Variants in COL28A1 observed in about 807,000 individuals in gnomAD.
The protein encoded by COL28A1 is collagen type XXVIII alpha 1 chain.
Under a neutral mutation model 150.2 loss-of-function variants are expected in COL28A1, and 161 were observed. That is an observed-to-expected ratio of 1.07 (90% CI 0.94 to 1.22). The LOEUF (loss-of-function observed/expected upper bound fraction) is 1.22. Among genes scored for constraint, COL28A1 ranks in the 50% most tolerant of loss-of-function variants. The pLI is 0.00. For synonymous variants in COL28A1, 552 were observed against 469.7 expected, an observed-to-expected ratio of 1.18 and a Z score of -2.26; for missense variants, 1,617 against 1,388.3, an observed-to-expected ratio of 1.16 and a Z score of -2.62.
chr7:7,447,923 C>T (rs980603896), intron 18 of COL28A1, among the ~76,000 whole-genome samples: 3 of 152,036 alleles, frequency 2.0e-5, no homozygotes, highest in Admixed American at 1.3e-4. Context: ...CAAAAATTAG[C>T]CAGGAGTGGT....
chr7:7,430,775 A>G (rs1784917586), intron 25 of COL28A1, among the ~76,000 whole-genome samples: 1 of 152,104 alleles, frequency 6.6e-6, no homozygotes, highest in Non-Finnish European at 1.5e-5. Context: ...TAGGATTTTG[A>G]CAGGTGCTAT....
intron 15 of COL28A1, among the ~76,000 whole-genome samples, chr7:7,461,565 C>A (rs1787624202): frequency 6.6e-6 from 1 of 152,132 alleles, no homozygotes; most frequent in Admixed American, 6.5e-5. Flanking sequence ...GGAGTCAGAC[C>A]AGCCCTTCAG....
At chr7:7,410,744 C>A (rs991423433) in intron 27 of COL28A1, among the ~76,000 whole-genome samples, 4 of 151,600 alleles carry the variant, frequency 2.6e-5, no homozygotes, top group Non-Finnish European at 5.9e-5. Context: ...ATGTGTGTTG[C>A]TCTCTTCATA....
chr7:7,423,949 A>T (rs890076951), intron 25 of COL28A1, among the ~76,000 whole-genome samples: 3 of 152,148 alleles, frequency 2.0e-5, no homozygotes, highest in Non-Finnish European at 4.4e-5. Flanking sequence ...TCAGCCAATG[A>T]ATTTAAGATG....
At chr7:7,379,200 A>C (rs1285132477) in intron 30 of COL28A1, among the ~76,000 whole-genome samples, 2 of 152,220 alleles carry the variant, frequency 1.3e-5, no homozygotes, top group African/African-American at 4.8e-5. Flanking sequence ...ACCCTGCAGT[A>C]CTAGGTAAGG....
In COL28A1 at chr7:7,381,543, C is replaced by G. The variant is rs749893839; in HGVS notation, c.2205+1G>C. On this transcript the variant is annotated splice_donor_variant, in intron 28 of 34. Coordinates refer to ENST00000399429, the MANE Select transcript of COL28A1 (RefSeq NM_001037763.3). LOFTEE classifies it high-confidence loss of function. ...TTTCTCTAAGATCCTGAGACACTTA[C>G]CTTCTGGCCTGGGAGGCCATGGCCC... 6.2e-7 allele frequency: 1 copy of G among 1,612,292 alleles called. No individual in the cohort carries two copies.
upstream of COL28A1, among the ~76,000 whole-genome samples, chr7:7,540,540 G>T (rs1305482688): frequency 6.6e-6 from 1 of 152,230 alleles, no homozygotes; most frequent in Non-Finnish European, 1.5e-5. Context: ...TCATTAATCA[G>T]TGAGGGACTA....
In COL28A1 at chr7:7,417,815, C is replaced by T. The variant is rs547315324; in HGVS notation, c.2136+44G>A. The T allele has an allele frequency of 1.7e-5, 26 of 1,520,226 alleles. No individual in the cohort carries two copies. The Admixed American group carries it at 2.9e-4, about 17-fold the overall frequency. 94.2% of individuals were successfully genotyped at this position (1,520,226 alleles called of 1,614,324 possible). On this transcript the variant is annotated intron_variant, in intron 27 of 34. Transcript: ENST00000399429. Reference sequence around the variant, plus strand: ...TCTACAACCTCTTCTCCCAATCACTCTGGTGAAATCAGAGGTGACTCCAGC... The same window carrying T: ...TCTACAACCTCTTCTCCCAATCACTTTGGTGAAATCAGAGGTGACTCCAGC...
intron 27 of COL28A1, among the ~76,000 whole-genome samples, chr7:7,390,034 T>C (rs1206120331): frequency 6.6e-6 from 1 of 152,204 alleles, no homozygotes; most frequent in Non-Finnish European, 1.5e-5. Flanking sequence ...CTATGTTGAA[T>C]AGGAATGGTG....
At chr7:7,429,856 G>A (rs930469256) in intron 25 of COL28A1, among the ~76,000 whole-genome samples, 1 of 152,102 alleles carries the variant, frequency 6.6e-6, no homozygotes, top group Non-Finnish European at 1.5e-5. Context: ...ATGGACTGCC[G>A]CTTCCACTCA....
At chr7:7,461,235 T>C (rs1005334089) in intron 15 of COL28A1, among the ~76,000 whole-genome samples, 1 of 152,204 alleles carries the variant, frequency 6.6e-6, no homozygotes, top group Non-Finnish European at 1.5e-5. Flanking sequence ...AAAATCCCTG[T>C]GGGCTCAGTG....
chr7:7,417,938 A>C lies in COL28A1; in HGVS notation c.2068-11T>G, dbSNP rs745817412. ...CTGCCCAGTATCACCCTGTTAGAAGATGGGGAGAATTTGAAGACAAAATGT... is the reference window on the plus strand; with the variant it reads ...CTGCCCAGTATCACCCTGTTAGAAGCTGGGGAGAATTTGAAGACAAAATGT... On this transcript the variant is annotated splice_polypyrimidine_tract_variant and intron_variant, in intron 26 of 34. Coordinates refer to ENST00000399429, the MANE Select transcript of COL28A1 (RefSeq NM_001037763.3). 4 of 1,600,576 alleles carry C rather than the reference A, an allele frequency of 2.5e-6. No individual in the cohort carries two copies. In the East Asian group the frequency reaches 6.7e-5, roughly 27 times the overall value.
At chr7:7,360,347 G>C (rs770073644) in intron 34 of COL28A1, 43 bp downstream of exon 34, 95 of 1,504,864 alleles carry the variant, frequency 6.3e-5, no homozygotes, top group Admixed American at 7.8e-5. Context: ...CTGTGCACAA[G>C]ACTGTAGAAT....
chr7:7,522,135 G>A, intron 4 of COL28A1, 174 bp from the exon 5 acceptor site: 1 of 666,732 alleles, frequency 1.5e-6, no homozygotes, highest in Non-Finnish European at 2.7e-6. Flanking sequence ...ATTTTACCTT[G>A]CACATTTATG....
At chr7:7,348,960 A>G in the COL28A1 span, among the ~76,000 whole-genome samples, 1 of 151,828 alleles carries the variant, frequency 6.6e-6, no homozygotes, top group African/African-American at 2.4e-5. Context: ...TGCCCAGGCT[A>G]CTCTTGAGCT....
intron 27 of COL28A1, chr7:7,417,608 G>A: frequency 2.4e-6 from 1 of 421,108 alleles, no homozygotes; most frequent in Non-Finnish European, 4.2e-6. Context: ...CACAAAGAGG[G>A]GAAAGCAACA....
At chr7:7,448,359 T>A (rs1035842306) in intron 18 of COL28A1, among the ~76,000 whole-genome samples, 5 of 151,960 alleles carry the variant, frequency 3.3e-5, no homozygotes, top group Non-Finnish European at 7.4e-5. Context: ...ACATTTCTCA[T>A]CAGAAACAAT....
chr7:7,456,316 C>A (rs1163197777), intron 15 of COL28A1, among the ~76,000 whole-genome samples: 1 of 152,054 alleles, frequency 6.6e-6, no homozygotes, highest in East Asian at 1.9e-4. Context: ...TTTTGCTATT[C>A]AGTCTAAGTT....
chr7:7,390,381 G>C (rs143999625), intron 27 of COL28A1, among the ~76,000 whole-genome samples: 10,710 of 152,150 alleles, frequency 0.07, 1,302 homozygotes, highest in African/African-American at 0.24. Flanking sequence ...ATGTGCTGCT[G>C]GATTCAGTTT....
Sources: allele counts gnomAD v4.1 joint callset (sites outside exome capture counted in the v4.1 genomes callset), GRCh38; gene constraint gnomAD v4.1.1; transcripts MANE v1.5; gene names NCBI Gene and HGNC (gene_info 2026-07-23, HGNC 2026-07-21).